Variants in RARB observed in about 807,000 individuals in gnomAD.
RARB encodes HBV-activated protein.
Under a neutral mutation model 51.9 loss-of-function variants are expected in RARB, and 17 were observed. The observed-to-expected ratio is 0.33, with a 90% CI of 0.22 to 0.49. The LOEUF is 0.49. Among genes scored for constraint, RARB ranks in the 20% least tolerant of loss-of-function variants. The pLI is 0.99. For synonymous variants in RARB, 215 were observed against 195.4 expected, an observed-to-expected ratio of 1.10 and a Z score of -0.84; for missense variants, 369 against 550.8, an observed-to-expected ratio of 0.67 and a Z score of 3.30.
intron 2 of RARB, among the ~76,000 whole-genome samples, chr3:25,490,735 C>G (rs1385773433): frequency 1.3e-5 from 2 of 151,950 alleles, no homozygotes; most frequent in African/African-American, 2.4e-5. Context: ...AATTTAAAAA[C>G]TTAAAATTCA....
At chr3:25,448,398 A>G (rs1575413398) in intron 1 of RARB, among the ~76,000 whole-genome samples, 1 of 103,614 alleles carries the variant, frequency 9.7e-6, no homozygotes, top group African/African-American at 3.3e-5. Flanking sequence ...GCTCTGAAGG[A>G]AAAAAAATAA....
At chr3:24,873,188 T>C (rs1306133588) in intron 2 of RARB, among the ~76,000 whole-genome samples, 2 of 152,372 alleles carry the variant, frequency 1.3e-5, no homozygotes, top group Admixed American at 6.5e-5. Flanking sequence ...ATTATGCTTA[T>C]CTTTTTGTAA....
chr3:25,059,697 A>T (rs1698509405), intron 2 of RARB, among the ~76,000 whole-genome samples: 1 of 151,786 alleles, frequency 6.6e-6, no homozygotes, highest in South Asian at 2.1e-4. Context: ...AAGCAAATGA[A>T]CAAATTACAA....
At chr3:25,289,548 C>A (rs569849939) in intron 5 of RARB, among the ~76,000 whole-genome samples, 28 of 152,270 alleles carry the variant, frequency 1.8e-4, no homozygotes, top group Admixed American at 1.3e-3. Context: ...TAAACTTTGG[C>A]AAAAGAGGAT....
chr3:24,900,412 A>G (rs544080170), intron 2 of RARB, among the ~76,000 whole-genome samples: 2 of 152,352 alleles, frequency 1.3e-5, no homozygotes, highest in East Asian at 1.9e-4. Context: ...CCATTTTACA[A>G]TCGATTCTCT....
intron 5 of RARB, among the ~76,000 whole-genome samples, chr3:25,277,858 A>C (rs1453284249): frequency 6.6e-6 from 1 of 152,230 alleles, no homozygotes; most frequent in African/African-American, 2.4e-5. Flanking sequence ...CTTGTACCTC[A>C]GAAGACCATA....
At chr3:25,464,716 T>C (rs1295508267) in intron 2 of RARB, among the ~76,000 whole-genome samples, 1 of 152,122 alleles carries the variant, frequency 6.6e-6, no homozygotes. Context: ...CAGTATAGAA[T>C]TTATTGTATA....
intron 5 of RARB, among the ~76,000 whole-genome samples, chr3:25,195,438 A>G (rs1318009706): frequency 6.6e-6 from 1 of 152,044 alleles, no homozygotes; most frequent in Non-Finnish European, 1.5e-5. Context: ...ATATTTCTTA[A>G]GACGATTCAG....
intron 2 of RARB, among the ~76,000 whole-genome samples, chr3:24,961,605 C>A (rs968351028): frequency 2.0e-5 from 3 of 151,766 alleles, no homozygotes; most frequent in Non-Finnish European, 4.4e-5. Flanking sequence ...ATTCAGCGAA[C>A]CTTGCCACAC....
At chr3:25,553,748 G>T (rs187044243) in intron 3 of RARB, among the ~76,000 whole-genome samples, 6 of 152,086 alleles carry the variant, frequency 3.9e-5, no homozygotes, top group African/African-American at 1.4e-4. Flanking sequence ...GCCATCCTTC[G>T]TTCCCAGGCC....
At chr3:25,066,866 A>G (rs2125306442) in intron 3 of RARB, among the ~76,000 whole-genome samples, 1 of 152,278 alleles carries the variant, frequency 6.6e-6, no homozygotes, top group African/African-American at 2.4e-5. Flanking sequence ...ATTCTCCTGT[A>G]TCTTGGCTCA....
At chr3:24,889,074 A>C (rs1456171626) in intron 2 of RARB, among the ~76,000 whole-genome samples, 1 of 152,212 alleles carries the variant, frequency 6.6e-6, no homozygotes, top group African/African-American at 2.4e-5. Flanking sequence ...GCAGGAAGTG[A>C]GAGCAATGCA....
intron 3 of RARB, among the ~76,000 whole-genome samples, chr3:25,527,039 G>A (rs774776443): frequency 2.6e-5 from 4 of 152,264 alleles, no homozygotes; most frequent in Admixed American, 1.3e-4. Flanking sequence ...GTCAGCAGTG[G>A]GAAAGATTGA....
At chr3:24,964,641 C>G (rs1696214341) in intron 2 of RARB, among the ~76,000 whole-genome samples, 3 of 152,116 alleles carry the variant, frequency 2.0e-5, no homozygotes, top group African/African-American at 4.8e-5. Flanking sequence ...ATGCCCTGTC[C>G]ATAAGTTGGT....
chr3:25,054,522 G>A (rs1198659983), intron 2 of RARB, among the ~76,000 whole-genome samples: 1 of 152,150 alleles, frequency 6.6e-6, no homozygotes, highest in African/African-American at 2.4e-5. Context: ...GATTTGAAAG[G>A]CAGAAAGCTA....
intron 2 of RARB, among the ~76,000 whole-genome samples, chr3:24,897,344 G>T (rs1703498012): frequency 1.4e-5 from 2 of 142,090 alleles, no homozygotes; most frequent in Admixed American, 6.7e-5. Context: ...TATTAATTTT[G>T]GACAGCATGT....
chr3:24,877,346 C>CTTTTTTT (rs66976672), intron 2 of RARB, among the ~76,000 whole-genome samples: 863 of 81,780 alleles, frequency 0.011, 103 homozygotes, highest in South Asian at 0.068. Context: ...AGCAATCTTA[C>CTTTTTTT]TTTTTTTTTT....
chr3:25,062,095 G>A (rs969418528), intron 3 of RARB, among the ~76,000 whole-genome samples: 5 of 151,658 alleles, frequency 3.3e-5, no homozygotes, highest in Non-Finnish European at 7.4e-5. Flanking sequence ...AAATGAAGCT[G>A]AAGCATTTTT....
At chr3:25,392,976 G>A (rs1032118202) in intron 5 of RARB, among the ~76,000 whole-genome samples, 10 of 152,008 alleles carry the variant, frequency 6.6e-5, no homozygotes, top group Non-Finnish European at 1.5e-5. Context: ...CAGTTCTCAA[G>A]TGGAATGACT....
Sources: gnomAD v4.1 joint callset for allele counts (sites outside exome capture counted in the v4.1 genomes callset) on GRCh38, gnomAD v4.1.1 for gene constraint, MANE v1.5 for transcripts, NCBI Gene and HGNC (gene_info 2026-07-23, HGNC 2026-07-21) for gene names.